Variants in XPO5 observed in about 807,000 individuals in gnomAD.
XPO5 encodes the protein exportin-5.
A neutral mutation model predicts 160.6 loss-of-function variants in XPO5; 46 were observed. That is an observed-to-expected ratio of 0.29 (90% CI 0.23 to 0.37). The LOEUF (loss-of-function observed/expected upper bound fraction) is 0.37, where lower values mean the gene tolerates loss of function less well. XPO5 is among the 10% of genes least tolerant of loss of function. The pLI is 1.00. For synonymous variants in XPO5, 537 were observed against 519.3 expected (o/e 1.03, Z -0.46); for missense variants, 1,090 against 1,463.9 (o/e 0.74, Z 4.17).
rs1793300646 is a variant in XPO5, at chr6:43,523,151, G to A, written c.*717C>T. ...GAGGCTGGGGAGGCCAGACTGAGGG[G>A]TCATTCATGGAAGGGCAAGATGTGT... On this transcript the variant is annotated 3_prime_UTR_variant, in exon 32 of 32. Coordinates refer to ENST00000265351, the MANE Select transcript of XPO5 (RefSeq NM_020750.3). 1 of 165,662 alleles carries A rather than the reference G, an allele frequency of 6.0e-6. No homozygotes were observed. Among genetic ancestry groups the A allele is most frequent in the African/African-American group, 2.4e-5 (1 of 41,624 alleles). 10.3% of individuals were successfully genotyped at this position (165,662 alleles called of 1,614,324 possible). A position where few individuals can be genotyped will look rare whatever the true frequency, so the allele number is the denominator to read the frequency against.
chr6:43,573,250 T>G (rs1352386820), intron 2 of XPO5: 3 of 449,870 alleles, frequency 6.7e-6, no homozygotes, highest in Non-Finnish European at 1.1e-5. Context: ...GTAATATTTG[T>G]TGAATGGGTA....
At chr6:43,546,832 T>G in intron 19 of XPO5, 80 bp from the exon 20 acceptor site, 1 of 1,375,192 alleles carries the variant, frequency 7.3e-7, no homozygotes. Flanking sequence ...ATATTCAAGG[T>G]TCTGGCAAAA....
At chr6:43,542,684 C>T (rs1024210725) in intron 20 of XPO5, among the ~76,000 whole-genome samples, 113 of 152,224 alleles carry the variant, frequency 7.4e-4, no homozygotes, top group African/African-American at 2.3e-3. Context: ...CTTCGGCCTC[C>T]CAAAGTGCTT....
chr6:43,575,901 G>A lies in XPO5; in HGVS notation c.-37C>T. 1 of 1,598,230 alleles carries A rather than the reference G, an allele frequency of 6.3e-7. No homozygotes were observed. The highest frequency in any genetic ancestry group is 8.6e-7 in the Non-Finnish European group (1 of 1,168,634). On this transcript the variant is annotated 5_prime_UTR_variant, in exon 1 of 32. Transcript: ENST00000265351. ...CGCGCCGAGAGCGCACACCACTGCAGTCCCGGGACCACGAGGCACGACAGC... is the reference window on the plus strand; with the variant it reads ...CGCGCCGAGAGCGCACACCACTGCAATCCCGGGACCACGAGGCACGACAGC...
chr6:43,567,181 T>C lies in XPO5; in HGVS notation c.822A>G (p.Ala274=). Residue 274 remains alanine (A), a synonymous_variant, in exon 7 of 32, where the codon GCA becomes GCG. Transcript: ENST00000265351. ...QLGAAECLLI[A]VSRKGKLEDR... is the part of the protein sequence containing the mutation. ...AGTGGTAACTTACTTTTCTGCTGAC[T>C]GCAATGAGAAGACACTCAGCGGCTC... is the stretch of plus-strand genomic sequence containing the variant. The C allele has an allele frequency of 6.2e-7, 1 of 1,612,626 alleles. No homozygotes were observed. Among genetic ancestry groups the C allele is most frequent in the Non-Finnish European group, 8.5e-7 (1 of 1,179,284 alleles).
intron 3 of XPO5, 112 bp downstream of exon 3, chr6:43,572,394 T>C: frequency 9.8e-7 from 1 of 1,025,538 alleles, no homozygotes; most frequent in Admixed American, 2.0e-5. Context: ...TGATTTCTTG[T>C]GCTGTCTGAC....
intron 12 of XPO5, 143 bp from the exon 13 acceptor site, chr6:43,556,107 C>T (rs1225528674): frequency 1.1e-5 from 12 of 1,085,740 alleles, no homozygotes; most frequent in Non-Finnish European, 1.5e-5. Flanking sequence ...GTAATAATCA[C>T]TCAATAAAAC....
chr6:43,527,578 A>T, intron 26 of XPO5, 56 bp downstream of exon 26: 5 of 1,582,320 alleles, frequency 3.2e-6, no homozygotes, highest in Non-Finnish European at 4.3e-6. Context: ...TGGCTGAGCG[A>T]CCAGCTCTTC....
At chr6:43,545,985 G>A (rs1488773714) in intron 20 of XPO5, among the ~76,000 whole-genome samples, 1 of 152,072 alleles carries the variant, frequency 6.6e-6, no homozygotes, top group Non-Finnish European at 1.5e-5. Context: ...TATGTCTGGG[G>A]TGGGGCCTTG....
chr6:43,538,082 CAA>C (rs1217531011), intron 20 of XPO5, among the ~76,000 whole-genome samples: 285 of 36,130 alleles, frequency 7.9e-3, no homozygotes, highest in African/African-American at 0.021. Flanking sequence ...AAGATGGTCT[CAA>C]AAAAAAAAAA....
chr6:43,575,539 T>C (rs891903373), intron 1 of XPO5, among the ~76,000 whole-genome samples: 2 of 152,002 alleles, frequency 1.3e-5, no homozygotes, highest in Non-Finnish European at 2.9e-5. Context: ...AGAAGCAGCA[T>C]AGGGACCGGA....
intron 13 of XPO5, 23 bp downstream of exon 13, chr6:43,555,813 A>T (rs1762050552): frequency 6.2e-7 from 1 of 1,613,698 alleles, no homozygotes; most frequent in African/African-American, 1.3e-5. Context: ...TTTCACTAAC[A>T]TTCAGTAATG....
At chr6:43,551,828 G>A (rs1272863495) in intron 14 of XPO5, among the ~76,000 whole-genome samples, 1 of 152,088 alleles carries the variant, frequency 6.6e-6, no homozygotes, top group African/African-American at 2.4e-5. Context: ...ACCATGCCTG[G>A]CTAATTTTTT....
At chr6:43,524,154 C>T in intron 31 of XPO5, 149 bp from the exon 32 acceptor site, 3 of 1,192,478 alleles carry the variant, frequency 2.5e-6, no homozygotes, top group Non-Finnish European at 3.4e-6. Context: ...GAGTTCAAGA[C>T]CAGCCTGACC....
intron 1 of XPO5, 79 bp from the exon 2 acceptor site, chr6:43,573,680 A>G: frequency 6.7e-7 from 1 of 1,503,622 alleles, no homozygotes. Flanking sequence ...AAGAAACTCC[A>G]ACCAGGGCCG....
At position 43,561,992 on chromosome 6, in the gene XPO5, C is replaced by A. The variant is rs1762441339; in HGVS notation, c.1011+255G>T. 1.9e-5 allele frequency: 6 copies of A among 309,856 alleles called. 1 individual carries two copies. The South Asian group carries it at 4.8e-4, about 25-fold the overall frequency. 19.2% of individuals were successfully genotyped at this position (309,856 alleles called of 1,614,324 possible). On this transcript the variant is annotated intron_variant, in intron 9 of 31. Transcript: ENST00000265351. ...TGTAAGTACCAAAATTCACAAGAAA[C>A]CAACGTTGACTTTATGGAATAATAG... is the stretch of plus-strand genomic sequence containing the variant.
chr6:43,526,606 A>T, intron 27 of XPO5, 79 bp downstream of exon 27: 1 of 1,538,132 alleles, frequency 6.5e-7, no homozygotes, highest in South Asian at 1.2e-5. Context: ...ACCAGACTGC[A>T]AGGAAACTGA....
chr6:43,546,434 C>T (rs1438401735), intron 20 of XPO5, 137 bp downstream of exon 20: 3 of 804,284 alleles, frequency 3.7e-6, no homozygotes, highest in Admixed American at 3.9e-5. Flanking sequence ...AACTGAGACA[C>T]CCTCTAGAAA....
intron 1 of XPO5, among the ~76,000 whole-genome samples, chr6:43,574,063 C>A (rs1390125670): frequency 6.6e-6 from 1 of 151,916 alleles, no homozygotes; most frequent in African/African-American, 2.4e-5. Flanking sequence ...CTCCTGACCT[C>A]AGGTGACCCA....
Sources: gnomAD v4.1 joint callset for allele counts (sites outside exome capture counted in the v4.1 genomes callset) on GRCh38, gnomAD v4.1.1 for gene constraint, MANE v1.5 for transcripts, NCBI Gene and HGNC (gene_info 2026-07-23, HGNC 2026-07-21) for gene names.